Variants in NCOA7 observed in about 807,000 individuals in gnomAD.
NCOA7 encodes nuclear receptor coactivator 7.
NCOA7 carries 45 observed loss-of-function variants against 104.3 expected under a neutral mutation model. The observed-to-expected ratio is 0.43, with a 90% CI of 0.34 to 0.55. The LOEUF is 0.55. Among genes scored for constraint, NCOA7 ranks in the 20% least tolerant of loss-of-function variants. NCOA7 has a pLI of 0.02. For synonymous variants in NCOA7, 398 were observed against 402.3 expected, an observed-to-expected ratio of 0.99 and a Z score of 0.13; for missense variants, 1,041 against 1,119.7, an observed-to-expected ratio of 0.93 and a Z score of 1.00.
intron 2 of NCOA7, among the ~76,000 whole-genome samples, chr6:125,834,408 A>C (rs1436459324): frequency 5.3e-5 from 8 of 152,194 alleles, no homozygotes; most frequent in African/African-American, 1.7e-4. Context: ...TTATTTACTT[A>C]GTTGTTTATT....
intron 11 of NCOA7, chr6:125,919,466 G>C (rs1160878104): frequency 1.9e-6 from 3 of 1,599,404 alleles, no homozygotes; most frequent in South Asian, 2.2e-5. Context: ...CTAATAAGGT[G>C]CTGGTGAATT....
chr6:125,855,924 C>A (rs1203129728), intron 3 of NCOA7, among the ~76,000 whole-genome samples: 1 of 152,064 alleles, frequency 6.6e-6, no homozygotes, highest in Non-Finnish European at 1.5e-5. Context: ...ACCTCAGACA[C>A]TTGAGAATCT....
intron 2 of NCOA7, among the ~76,000 whole-genome samples, chr6:125,825,197 A>C (rs754326288): frequency 4.0e-5 from 6 of 148,574 alleles, no homozygotes; most frequent in Non-Finnish European, 7.4e-5. Context: ...AAAAAAAGCC[A>C]GACATGACAG....
At chr6:125,903,019 G>C (rs1785645665) in intron 10 of NCOA7, among the ~76,000 whole-genome samples, 1 of 152,158 alleles carries the variant, frequency 6.6e-6, no homozygotes, top group African/African-American at 2.4e-5. Context: ...TGAGTTAGGT[G>C]CTGCCTTCCA....
chr6:125,803,932 A>T (rs1776162974), intron 1 of NCOA7, among the ~76,000 whole-genome samples: 1 of 151,432 alleles, frequency 6.6e-6, no homozygotes. Context: ...AGTAGTGGTA[A>T]CTACTGCTCA....
intron 3 of NCOA7, among the ~76,000 whole-genome samples, chr6:125,870,738 T>C (rs1782822099): frequency 6.6e-6 from 1 of 152,118 alleles, no homozygotes; most frequent in Non-Finnish European, 1.5e-5. Flanking sequence ...TAAACTTGTA[T>C]TGGGGATTAT....
chr6:125,928,273 CTTATTG>C (rs1562197061), intron 15 of NCOA7, 26 bp downstream of exon 15: 2 of 1,587,882 alleles, frequency 1.3e-6, no homozygotes. Context: ...TTTTTGTTTT[CTTATTG>C]TTATTTTACC....
chr6:125,845,119 T>A (rs766740843), intron 2 of NCOA7, among the ~76,000 whole-genome samples: 1 of 152,124 alleles, frequency 6.6e-6, no homozygotes, highest in African/African-American at 2.4e-5. Flanking sequence ...CGTTCCATTG[T>A]CAGAGGTGGC....
intron 10 of NCOA7, among the ~76,000 whole-genome samples, chr6:125,907,883 T>TTAAA (rs1410984835): frequency 2.6e-5 from 4 of 152,214 alleles, no homozygotes; most frequent in Non-Finnish European, 4.4e-5. Context: ...CCAGCATTGG[T>TTAAA]TAAAACATAA....
rs141355756 is a variant in NCOA7 at position 125,909,771 on chromosome 6, C to T, written c.2097-5562C>T. On this transcript the variant is annotated intron_variant, in intron 10 of 15. Transcript: ENST00000392477. ...GTTGCAGTGAGCCGAGATCGCACCACTCCAGTCTAGCCTGGGTGACAGAGT... is the reference window on the plus strand; with the variant it reads ...GTTGCAGTGAGCCGAGATCGCACCATTCCAGTCTAGCCTGGGTGACAGAGT... 4.9e-3 allele frequency among the ~76,000 whole-genome samples: 750 copies of T among 152,212 alleles called. 7 individuals are homozygous for T. Among genetic ancestry groups the T allele is most frequent in the African/African-American group, 0.017 (719 of 41,532 alleles).
intron 10 of NCOA7, among the ~76,000 whole-genome samples, chr6:125,902,956 G>A (rs1348710541): frequency 6.6e-6 from 1 of 152,164 alleles, no homozygotes; most frequent in East Asian, 1.9e-4. Context: ...ATGAAAATTA[G>A]TTGCTGCTGC....
intron 3 of NCOA7, among the ~76,000 whole-genome samples, chr6:125,857,593 C>T (rs1390973722): frequency 6.6e-6 from 1 of 151,832 alleles, no homozygotes; most frequent in East Asian, 1.9e-4. Context: ...CAGAGTCTCG[C>T]TCTGTCACCC....
intron 4 of NCOA7, 196 bp downstream of exon 4, chr6:125,875,164 T>C (rs1162420518): frequency 8.2e-6 from 4 of 485,028 alleles, no homozygotes; most frequent in Non-Finnish European, 1.5e-5. Context: ...AACCAGTGAA[T>C]TGAGAATGTG....
At chr6:125,817,366 A>G (rs1777691730) in intron 2 of NCOA7, among the ~76,000 whole-genome samples, 1 of 152,226 alleles carries the variant, frequency 6.6e-6, no homozygotes, top group South Asian at 2.1e-4. Context: ...AATGGTTGTA[A>G]CATTTGACAT....
intron 10 of NCOA7, among the ~76,000 whole-genome samples, chr6:125,901,048 GTT>G (rs1562161710): frequency 1.3e-5 from 2 of 152,182 alleles, no homozygotes; most frequent in Non-Finnish European, 2.9e-5. Context: ...ACCCCCAGAA[GTT>G]TTAGACAGAC....
chr6:125,910,525 T>C (rs1252930470), intron 10 of NCOA7, among the ~76,000 whole-genome samples: 1 of 152,244 alleles, frequency 6.6e-6, no homozygotes, highest in Non-Finnish European at 1.5e-5. Flanking sequence ...ATTTCATGTT[T>C]TCTAAGTTAA....
rs1468312046 is a variant in NCOA7 at position 125,889,924 on chromosome 6, G to A, written c.1870G>A (p.Asp624Asn). 6.3e-7 allele frequency: 1 copy of A among 1,581,844 alleles called. No homozygotes were observed. The highest frequency in any genetic ancestry group is 1.2e-5 in the South Asian group (1 of 84,994). Reference protein sequence around the residue: ...LDNSCQGAQMDNKSEVQLWLL... With the variant: ...LDNSCQGAQMNNKSEVQLWLL... ...CAACAGCTGTCAAGGTGCACAAATG[G>A]ATAATAAATCTGAAGTTCAGTTGTG... The change falls in exon 9 of 16, where the codon GAT (aspartate) becomes AAT (asparagine). Residue 624 changes from aspartate to asparagine, a missense_variant. Transcript: ENST00000392477.
intron 11 of NCOA7, chr6:125,919,568 C>A (rs559180131): frequency 4.4e-4 from 368 of 831,680 alleles, no homozygotes; most frequent in Non-Finnish European, 6.2e-4. Flanking sequence ...TTATTCATTG[C>A]GGAGAGGGTT....
rs574186965 is a variant in NCOA7, at chr6:125,929,612, A to G, written c.*841A>G. ...TAGGCCAGCTTTCCATTTAGTCAATAAAAGCGTACATTTTTAGTTACTTAC... is the reference window on the plus strand; with the variant it reads ...TAGGCCAGCTTTCCATTTAGTCAATGAAAGCGTACATTTTTAGTTACTTAC... On this transcript the variant is annotated 3_prime_UTR_variant, in exon 16 of 16. Transcript: ENST00000392477. The G allele has an allele frequency of 1.8e-4, 27 of 152,302 alleles. No homozygotes were observed. Among genetic ancestry groups the G allele is most frequent in the South Asian group, 6.2e-4 (3 of 4,826 alleles). The allele number at this position is 152,302 out of a possible 1,614,324, so 9.4% of individuals were successfully genotyped here.
Sources: allele counts gnomAD v4.1 joint callset (sites outside exome capture counted in the v4.1 genomes callset), GRCh38; gene constraint gnomAD v4.1.1; transcripts MANE v1.5; gene names NCBI Gene and HGNC (gene_info 2026-07-23, HGNC 2026-07-21).